CABIN1: variants seen among roughly 807,000 people sequenced by gnomAD.
The protein encoded by CABIN1 is calcineurin binding protein 1.
In CABIN1, 133 loss-of-function variants were observed where a neutral mutation model predicts 227.7. The ratio of observed to expected loss-of-function variants is 0.58; its 90% confidence interval spans 0.51 to 0.67. The LOEUF is 0.67. CABIN1 is among the 30% of genes least tolerant of loss of function. CABIN1 has a pLI of 0.00. For missense variants in CABIN1, 2,408 were observed against 2,852.5 expected, an observed-to-expected ratio of 0.84 and a Z score of 3.55; for synonymous variants, 1,086 against 1,155.1, an observed-to-expected ratio of 0.94 and a Z score of 1.21.
At position 24,050,959 on chromosome 22, in the gene CABIN1, C is replaced by T; in HGVS notation, c.791C>T (p.Pro264Leu). The change falls in exon 8 of 37, where the codon CCC (proline) becomes CTC (leucine). Residue 264 changes from proline (P) to leucine (L), a missense_variant. Physicochemically the swap from Pro to Leu is moderately conservative, Grantham distance 98. This residue lies in a region of CABIN1 where 1,045 missense variants were observed against 1,168.4 expected (regional missense o/e 0.89). Coordinates refer to ENST00000263119, the MANE Select transcript of CABIN1 (RefSeq NM_012295.4). The stretch of plus-strand genomic sequence containing the variant: ...GAGCCGGACCTGAAACTTGTGCAGC[C>T]CATTCCTTTCTTCACGTAGGTTGTC... ...EKEPDLKLVQPIPFFTWKCLG... is the reference protein window; with the variant it reads ...EKEPDLKLVQLIPFFTWKCLG... 6.2e-7 allele frequency: 1 copy of T among 1,614,186 alleles called. No individual in the cohort carries two copies. Among genetic ancestry groups the T allele is most frequent in the Non-Finnish European group, 8.5e-7 (1 of 1,180,046 alleles).
intron 16 of CABIN1, among the ~76,000 whole-genome samples, chr22:24,068,851 T>C (rs1279260434): frequency 6.6e-6 from 1 of 152,170 alleles, no homozygotes; most frequent in African/African-American, 2.4e-5. Flanking sequence ...TTTCCAAGAG[T>C]GGAGAAATAT....
chr22:24,144,292 A>G (rs1440844687), intron 29 of CABIN1, among the ~76,000 whole-genome samples: 1 of 152,184 alleles, frequency 6.6e-6, no homozygotes, highest in Non-Finnish European at 1.5e-5. Context: ...AGAGTGTCAG[A>G]CTGTGTCCTT....
intron 26 of CABIN1, among the ~76,000 whole-genome samples, chr22:24,104,456 A>G (rs1445716722): frequency 6.6e-6 from 1 of 152,180 alleles, no homozygotes; most frequent in African/African-American, 2.4e-5. Context: ...TGGTGTCTAC[A>G]CATATCAGGC....
Position 24,103,683 on chromosome 22 carries a change from G to A in CABIN1, c.4117+5491G>A, listed in dbSNP as rs568362085. ...GCAGGGGACAGGGGAGGCTGTCAGC[G>A]AAGAGCCACTCACCTCTTTTGTTCT... On this transcript the variant is annotated intron_variant, in intron 26 of 36. Coordinates refer to ENST00000263119, the MANE Select transcript of CABIN1 (RefSeq NM_012295.4). Among the ~76,000 whole-genome samples, 7 of 152,280 alleles carry A rather than the reference G, an allele frequency of 4.6e-5. No individual in the cohort carries two copies. The East Asian group carries it at 9.7e-4, about 21-fold the overall frequency.
chr22:24,137,842 ACT>A (rs1378924138), intron 29 of CABIN1, among the ~76,000 whole-genome samples: 2 of 152,184 alleles, frequency 1.3e-5, no homozygotes, highest in African/African-American at 2.4e-5. Context: ...CCCTTGGCTG[ACT>A]CTGCTGGGAT....
rs532485790 is a variant in CABIN1, at chr22:24,101,889, G to A, written c.4117+3697G>A. On this transcript the variant is annotated intron_variant, in intron 26 of 36. Coordinates refer to ENST00000263119, the MANE Select transcript of CABIN1 (RefSeq NM_012295.4). The stretch of plus-strand genomic sequence containing the variant: ...TGTATGTGTGTGTGTGTGTGTGCCC[G>A]TGTGTAATTACGCCCTACCACTCAA... Among the ~76,000 whole-genome samples the A allele has an allele frequency of 2.8e-4, 43 of 152,274 alleles. No individual in the cohort carries two copies. In the South Asian group the frequency reaches 7.9e-3, roughly 28 times the overall value.
chr22:24,075,735 C>A (rs916930744), intron 18 of CABIN1, among the ~76,000 whole-genome samples: 1 of 151,842 alleles, frequency 6.6e-6, no homozygotes, highest in Non-Finnish European at 1.5e-5. Flanking sequence ...AACAGTTAGA[C>A]CCTATCTCTT....
At chr22:24,126,686 T>A (rs1057396402) in intron 28 of CABIN1, among the ~76,000 whole-genome samples, 4 of 152,102 alleles carry the variant, frequency 2.6e-5, no homozygotes, top group African/African-American at 9.7e-5. Flanking sequence ...TGAGGGGACA[T>A]CATCCTGAAT....
chr22:24,092,000 C>T, intron 24 of CABIN1, 157 bp downstream of exon 24: 1 of 824,172 alleles, frequency 1.2e-6, no homozygotes, highest in East Asian at 2.7e-5. Flanking sequence ...ATTAAAACAT[C>T]ATTTCCTCTC....
At chr22:24,057,970 G>A (rs867824791) in intron 10 of CABIN1, among the ~76,000 whole-genome samples, 15 of 152,126 alleles carry the variant, frequency 9.9e-5, no homozygotes, top group African/African-American at 3.1e-4. Context: ...GGATGGTTTC[G>A]ACTTTCTTTT....
At chr22:24,128,330 T>C (rs1166108533) in intron 28 of CABIN1, among the ~76,000 whole-genome samples, 3 of 152,186 alleles carry the variant, frequency 2.0e-5, no homozygotes, top group Non-Finnish European at 4.4e-5. Context: ...GCTTTTACAC[T>C]AACTCCTTAA....
At chr22:24,122,090 A>T (rs1236961443) in intron 28 of CABIN1, among the ~76,000 whole-genome samples, 1 of 113,926 alleles carries the variant, frequency 8.8e-6, no homozygotes, top group South Asian at 2.8e-4. Context: ...AAATGGCTTT[A>T]TGTTGAATTT....
chr22:24,098,258 C>G, intron 26 of CABIN1, 66 bp downstream of exon 26: 1 of 1,610,996 alleles, frequency 6.2e-7, no homozygotes, highest in Non-Finnish European at 8.5e-7. Context: ...GGTGCTCGGA[C>G]GACTCATTTT....
At chr22:24,150,810 C>T (rs2045434471) in intron 29 of CABIN1, among the ~76,000 whole-genome samples, 1 of 152,204 alleles carries the variant, frequency 6.6e-6, no homozygotes, top group Non-Finnish European at 1.5e-5. Flanking sequence ...AGCATCTTGT[C>T]AGTGTGGGAG....
chr22:24,165,406 A>C, intron 30 of CABIN1, 124 bp from the exon 31 acceptor site: 4 of 883,842 alleles, frequency 4.5e-6, no homozygotes, highest in Non-Finnish European at 5.5e-6. Context: ...ACAGGTGGTT[A>C]GGTGGAACAC....
At chr22:24,129,295 G>C (rs536379704) in intron 28 of CABIN1, among the ~76,000 whole-genome samples, 1 of 152,218 alleles carries the variant, frequency 6.6e-6, no homozygotes, top group African/African-American at 2.4e-5. Context: ...CAGGAGCTAT[G>C]ACAGTCAGCC....
chr22:24,097,681 A>T (rs2041975173), intron 25 of CABIN1, among the ~76,000 whole-genome samples: 1 of 152,228 alleles, frequency 6.6e-6, no homozygotes. Flanking sequence ...TCAGGCTGTC[A>T]CACAGAAGGC....
At position 24,165,512 on chromosome 22, in the gene CABIN1, AC is replaced by A. The variant is rs771998809; in HGVS notation, c.4911-14del. On this transcript the variant is annotated splice_polypyrimidine_tract_variant and intron_variant, in intron 30 of 36. Coordinates refer to ENST00000263119, the MANE Select transcript of CABIN1 (RefSeq NM_012295.4). The stretch of plus-strand genomic sequence containing the variant: ...AGATGCCCTCCTGTCCTCTCTGACT[AC>A]CCCTGTATGACCGCAGGAAGTATCT... 6 of 1,607,856 alleles carry A rather than the reference AC, an allele frequency of 3.7e-6. No homozygotes were observed. In the African/African-American group the frequency reaches 8.0e-5, roughly 21 times the overall value.
chr22:24,083,927 C>T (rs1364541833), intron 20 of CABIN1, among the ~76,000 whole-genome samples: 1 of 152,142 alleles, frequency 6.6e-6, no homozygotes, highest in African/African-American at 2.4e-5. Context: ...CTAATGGCTC[C>T]TCAGTACTGT....
Sources: allele counts gnomAD v4.1 joint callset (sites outside exome capture counted in the v4.1 genomes callset), GRCh38; gene constraint gnomAD v4.1.1; regional missense constraint gnomAD v4.1.1; transcripts MANE v1.5; gene names NCBI Gene and HGNC (gene_info 2026-07-23, HGNC 2026-07-21).